Variants in ROBO2 observed in about 807,000 individuals in gnomAD.
ROBO2 encodes roundabout homolog 2.
ROBO2 carries 53 observed loss-of-function variants against 160.8 expected under a neutral mutation model. That is an observed-to-expected ratio of 0.33 (90% CI 0.26 to 0.41). The LOEUF is 0.41. ROBO2 is among the 10% of genes least tolerant of loss of function. The probability of loss-of-function intolerance (pLI) is 1.00; values close to 1 mark genes in which losing one functional copy is unlikely to be tolerated. For missense variants in ROBO2, 1,577 were observed against 1,722.4 expected, an observed-to-expected ratio of 0.92 and a Z score of 1.49; for synonymous variants, 664 against 611.7, an observed-to-expected ratio of 1.09 and a Z score of -1.26.
chr3:76,945,123 C>T (rs556268154), intron 2 of ROBO2, among the ~76,000 whole-genome samples: 4 of 152,014 alleles, frequency 2.6e-5, no homozygotes, highest in Non-Finnish European at 5.9e-5. Flanking sequence ...CTCCTGACCT[C>T]GTGATCCGCC....
Position 77,246,726 on chromosome 3 carries a change from A to G in ROBO2, c.388+148386A>G, listed in dbSNP as rs561221715. On this transcript the variant is annotated intron_variant, in intron 2 of 25. Transcript: ENST00000461745. ...CTATACTGTACAGATTACCTAATATATTCTGAAAGCTATCAAGCAAGCAAT... is the reference window on the plus strand; with the variant it reads ...CTATACTGTACAGATTACCTAATATGTTCTGAAAGCTATCAAGCAAGCAAT... Among the ~76,000 whole-genome samples the G allele has an allele frequency of 5.0e-4, 76 of 152,320 alleles. 1 individual carries two copies. The South Asian group carries it at 0.015, about 31-fold the overall frequency.
At chr3:76,217,370 C>A (rs541589320) in intron 2 of ROBO2, among the ~76,000 whole-genome samples, 70 of 152,046 alleles carry the variant, frequency 4.6e-4, no homozygotes, top group Non-Finnish European at 8.2e-4. Context: ...TCAATGAATC[C>A]AGGAGCTGGC....
intron 2 of ROBO2, among the ~76,000 whole-genome samples, chr3:77,030,009 G>A (rs1390844158): frequency 6.6e-6 from 1 of 151,218 alleles, no homozygotes; most frequent in African/African-American, 2.4e-5. Context: ...GCAGTGGTGC[G>A]ATCTCCGCTC....
At chr3:76,161,910 AG>A in intron 2 of ROBO2, among the ~76,000 whole-genome samples, 1 of 152,296 alleles carries the variant, frequency 6.6e-6, no homozygotes, top group Admixed American at 6.5e-5. Context: ...GTTAAATGAA[AG>A]GGTGACCTTT....
chr3:77,038,835 C>T (rs9830141), upstream of ROBO2, among the ~76,000 whole-genome samples: 4,128 of 152,296 alleles, frequency 0.027, 191 homozygotes, highest in African/African-American at 0.093. Flanking sequence ...CGTCTTTGGG[C>T]TGAAATTCGG....
intron 2 of ROBO2, among the ~76,000 whole-genome samples, chr3:77,293,375 T>A (rs2061564056): frequency 6.7e-6 from 1 of 150,018 alleles, no homozygotes; most frequent in South Asian, 2.1e-4. Context: ...ACGGGTAAGC[T>A]GAGGCTAGAT....
intron 15 of ROBO2, among the ~76,000 whole-genome samples, 171 bp downstream of exon 16, chr3:77,577,785 T>C (rs1224682520): frequency 6.6e-6 from 1 of 152,086 alleles, no homozygotes; most frequent in Non-Finnish European, 1.5e-5. Flanking sequence ...TATTAGAACC[T>C]GAGTTCAAGG....
At chr3:76,033,393 C>G (rs2066993435) in intron 2 of ROBO2, among the ~76,000 whole-genome samples, 1 of 152,108 alleles carries the variant, frequency 6.6e-6, no homozygotes, top group African/African-American at 2.4e-5. Context: ...GGGTCACCTT[C>G]AGCTCTTTGG....
At chr3:76,091,730 G>A (rs1195412236) in intron 2 of ROBO2, among the ~76,000 whole-genome samples, 3 of 152,070 alleles carry the variant, frequency 2.0e-5, no homozygotes, top group East Asian at 1.9e-4. Context: ...CCAGGCAATG[G>A]AATATTACTC....
intron 2 of ROBO2, among the ~76,000 whole-genome samples, chr3:76,327,913 T>A (rs1341751294): frequency 6.6e-6 from 1 of 151,876 alleles, no homozygotes; most frequent in Non-Finnish European, 1.5e-5. Context: ...ATGGGGAAGA[T>A]CACTTTCTTC....
At chr3:77,015,202 C>A (rs2149481205) in intron 2 of ROBO2, among the ~76,000 whole-genome samples, 1 of 152,244 alleles carries the variant, frequency 6.6e-6, no homozygotes, top group East Asian at 1.9e-4. Context: ...ATCAATTTAA[C>A]AAGAGTTAGC....
intron 1 of ROBO2, among the ~76,000 whole-genome samples, chr3:75,924,406 G>T (rs921745091): frequency 2.6e-5 from 4 of 151,886 alleles, no homozygotes; most frequent in Non-Finnish European, 5.9e-5. Context: ...GAGCTCAGGG[G>T]TACATGTGGC....
chr3:76,594,388 T>C (rs556460277), intron 2 of ROBO2, among the ~76,000 whole-genome samples: 3 of 152,022 alleles, frequency 2.0e-5, no homozygotes, highest in African/African-American at 7.2e-5. Flanking sequence ...TCATTTGGGT[T>C]ATCAGAAAGG....
intron 2 of ROBO2, among the ~76,000 whole-genome samples, chr3:76,086,204 A>T (rs2069006413): frequency 1.3e-5 from 2 of 152,148 alleles, no homozygotes; most frequent in African/African-American, 4.8e-5. Context: ...GGAAGCAAAC[A>T]CATCTTTCTT....
At chr3:76,179,555 C>T (rs1701397911) in intron 2 of ROBO2, among the ~76,000 whole-genome samples, 1 of 152,126 alleles carries the variant, frequency 6.6e-6, no homozygotes, top group Non-Finnish European at 1.5e-5. Context: ...TCATCACTGC[C>T]TCCGCTCTTA....
At position 76,700,639 on chromosome 3, in the gene ROBO2, T is replaced by G. The variant is rs144432061; in HGVS notation, c.110-397375T>G. Among the ~76,000 whole-genome samples, 857 of 152,270 alleles carry G rather than the reference T, an allele frequency of 5.6e-3. 12 individuals carry two copies. The highest frequency in any genetic ancestry group is 0.02 in the African/African-American group (819 of 41,570). On this transcript the variant is annotated intron_variant, in intron 2 of 26. Transcript: ENST00000487694. ...TTAGCCTAATATCCACATTGGAAAC[T>G]GCTTCCTTTGAGGACGTTCTTGACT...
Position 76,639,922 on chromosome 3 carries a change from G to T in ROBO2, c.110-458092G>T, listed in dbSNP as rs77498163. Among the ~76,000 whole-genome samples the T allele has an allele frequency of 8.8e-3, 1,337 of 152,220 alleles. 14 individuals are homozygous for T. Among genetic ancestry groups the T allele is most frequent in the African/African-American group, 0.03 (1,262 of 41,516 alleles). ...ATCTAACTTTGAATAAGTCTGTGTC[G>T]ACTGGATACTATAAAGCTAAAGACT... On this transcript the variant is annotated intron_variant, in intron 2 of 26. Transcript: ENST00000487694.
chr3:76,627,896 A>G (rs1193871067), intron 2 of ROBO2, among the ~76,000 whole-genome samples: 1 of 152,144 alleles, frequency 6.6e-6, no homozygotes, highest in Non-Finnish European at 1.5e-5. Flanking sequence ...TTTCCTATGT[A>G]TGTGAATTTT....
chr3:76,553,595 T>C (rs1445213732), intron 2 of ROBO2, among the ~76,000 whole-genome samples: 2 of 152,180 alleles, frequency 1.3e-5, no homozygotes, highest in Non-Finnish European at 2.9e-5. Flanking sequence ...AATGAAAATG[T>C]TAAAATCATT....
Sources: allele counts gnomAD v4.1 joint callset (sites outside exome capture counted in the v4.1 genomes callset), GRCh38; gene constraint gnomAD v4.1.1; transcripts MANE v1.5; gene names NCBI Gene and HGNC (gene_info 2026-07-23, HGNC 2026-07-21).